UBE2K: variants seen among roughly 807,000 people sequenced by gnomAD.
The protein encoded by UBE2K is ubiquitin-conjugating enzyme E2 K.
Under a neutral mutation model 30.0 loss-of-function variants are expected in UBE2K, and 6 were observed. The ratio of observed to expected loss-of-function variants is 0.20; its 90% CI spans 0.11 to 0.39. UBE2K has a LOEUF of 0.39. Among genes scored for constraint, UBE2K ranks in the 10% least tolerant of loss-of-function variants. The pLI is 1.00. For missense variants in UBE2K, 61 were observed against 241.6 expected (o/e 0.25, Z 4.96); for synonymous variants, 86 against 83.7 (o/e 1.03, Z -0.15).
Position 39,728,818 on chromosome 4 carries a change from G to T in UBE2K, c.64-8602G>T, listed in dbSNP as rs202091861. Reference sequence around the variant, plus strand: ...CACGCCCGGCTAGTAGGTTTTTTTTGTTTTTTTTGTTTTTTTTTTTTTGTA... The same window carrying T: ...CACGCCCGGCTAGTAGGTTTTTTTTTTTTTTTTTGTTTTTTTTTTTTTGTA... On this transcript the variant is annotated intron_variant, in intron 1 of 6. Coordinates refer to ENST00000261427, the MANE Select transcript of UBE2K (RefSeq NM_005339.5). 2.9e-3 allele frequency among the ~76,000 whole-genome samples: 373 copies of T among 129,986 alleles called. 9 individuals carry two copies. In the East Asian group the frequency reaches 0.045, roughly 16 times the overall value. The allele number at this position is 129,986 out of a possible 152,430, so 85.3% of individuals were successfully genotyped here. A position where few individuals can be genotyped will look rare whatever the true frequency, so the allele number is the denominator to read the frequency against.
intron 4 of UBE2K, chr4:39,771,424 C>T (rs1049184530): frequency 1.2e-6 from 2 of 1,600,384 alleles, no homozygotes; most frequent in African/African-American, 2.7e-5. Context: ...CAGGACTTCA[C>T]CCCAGAGGCC....
chr4:39,757,003 TTTTTTTTG>T (rs1362892258), intron 4 of UBE2K, among the ~76,000 whole-genome samples: 1 of 137,608 alleles, frequency 7.3e-6, no homozygotes, highest in African/African-American at 2.7e-5. Flanking sequence ...TTTGGGTGTT[TTTTTTTTG>T]TTTTTTGTTT....
intron 3 of UBE2K, among the ~76,000 whole-genome samples, chr4:39,749,678 C>CA (rs760704951): frequency 0.027 from 3,891 of 141,630 alleles, 64 homozygotes; most frequent in Non-Finnish European, 0.034. Flanking sequence ...GACTCTGTCT[C>CA]AAAAAAAAAA....
intron 1 of UBE2K, among the ~76,000 whole-genome samples, chr4:39,712,244 C>CAGGCTGG (rs1718741232): frequency 7.2e-6 from 1 of 137,990 alleles, no homozygotes; most frequent in Non-Finnish European, 1.5e-5. Context: ...CTCTGTCACC[C>CAGGCTGG]AGGCTGGAGT....
At chr4:39,715,120 G>A (rs780278455) in intron 1 of UBE2K, among the ~76,000 whole-genome samples, 8 of 150,958 alleles carry the variant, frequency 5.3e-5, no homozygotes, top group Non-Finnish European at 7.4e-5. Flanking sequence ...CTGCCTCCTG[G>A]GTTCACGCCA....
At chr4:39,698,895 T>G (rs931789077) in intron 1 of UBE2K, among the ~76,000 whole-genome samples, 3 of 152,104 alleles carry the variant, frequency 2.0e-5, no homozygotes, top group Non-Finnish European at 4.4e-5. Flanking sequence ...AGTCCTTAGG[T>G]ATTGATTAAA....
chr4:39,771,413 G>A (rs566450515), intron 4 of UBE2K: 26 of 1,609,606 alleles, frequency 1.6e-5, no homozygotes, highest in East Asian at 1.1e-4. Context: ...AGCTGGAAGC[G>A]CAGGACTTCA....
intron 4 of UBE2K, among the ~76,000 whole-genome samples, chr4:39,772,693 T>G (rs1237467511): frequency 6.7e-6 from 1 of 149,148 alleles, no homozygotes; most frequent in African/African-American, 2.4e-5. Flanking sequence ...TAAAGCAACT[T>G]TTTTTTTTTT....
chr4:39,760,094 T>C (rs1207577482), intron 4 of UBE2K, among the ~76,000 whole-genome samples: 2 of 140,650 alleles, frequency 1.4e-5, no homozygotes, highest in Non-Finnish European at 3.0e-5. Context: ...GGAGAATCTC[T>C]TGAACCTGGG....
intron 1 of UBE2K, among the ~76,000 whole-genome samples, chr4:39,700,943 A>G (rs1717974068): frequency 6.6e-6 from 1 of 150,390 alleles, no homozygotes; most frequent in African/African-American, 2.5e-5. Context: ...GTCAAAAAGA[A>G]GGGCATGTGT....
chr4:39,768,447 CAAAAAAAAA>C, intron 4 of UBE2K, among the ~76,000 whole-genome samples: 1 of 88,144 alleles, frequency 1.1e-5, no homozygotes, highest in African/African-American at 3.7e-5. Flanking sequence ...ACTTCGTTTC[CAAAAAAAAA>C]AAAAAAAAAT....
At chr4:39,776,195 C>T (rs1391234747) in intron 5 of UBE2K, among the ~76,000 whole-genome samples, 1 of 152,204 alleles carries the variant, frequency 6.6e-6, no homozygotes, top group Non-Finnish European at 1.5e-5. Context: ...TGGTTAACCA[C>T]CCAAGTCACA....
In UBE2K at chr4:39,779,234, A is replaced by G. The variant is rs1713464214; in HGVS notation, c.*800A>G. ...TAAGTAATGTAAAAATGGAACTGCC[A>G]ATTTTATTTCTCTTGCAAAAATAGT... is the stretch of plus-strand genomic sequence containing the variant. On this transcript the variant is annotated 3_prime_UTR_variant, in exon 7 of 7. Coordinates refer to ENST00000261427, the MANE Select transcript of UBE2K (RefSeq NM_005339.5). The G allele has an allele frequency of 6.6e-6, 1 of 152,178 alleles. No homozygotes were observed. Among genetic ancestry groups the G allele is most frequent in the Non-Finnish European group, 1.5e-5 (1 of 68,036 alleles). 9.4% of individuals were successfully genotyped at this position (152,178 alleles called of 1,614,324 possible).
intron 1 of UBE2K, chr4:39,713,888 C>T: frequency 6.6e-6 from 1 of 151,760 alleles, no homozygotes; most frequent in Non-Finnish European, 1.5e-5. Context: ...TGCCCATGAG[C>T]AGCTTTTTTT....
chr4:39,717,478 C>T (rs1291769892), intron 1 of UBE2K, among the ~76,000 whole-genome samples: 1 of 152,148 alleles, frequency 6.6e-6, no homozygotes, highest in Non-Finnish European at 1.5e-5. Context: ...ATCCGCCCAC[C>T]TCAGCCTCCC....
At chr4:39,735,689 A>G (rs1206929146) in intron 1 of UBE2K, among the ~76,000 whole-genome samples, 1 of 152,148 alleles carries the variant, frequency 6.6e-6, no homozygotes, top group Non-Finnish European at 1.5e-5. Context: ...CCATCAGAGT[A>G]GTTTTACTGT....
At chr4:39,722,797 C>CT (rs1232195698) in intron 1 of UBE2K, among the ~76,000 whole-genome samples, 4 of 133,382 alleles carry the variant, frequency 3.0e-5, no homozygotes, top group Non-Finnish European at 5.0e-5. Context: ...CTCTTTTTCT[C>CT]TCTTTTTTTT....
intron 4 of UBE2K, among the ~76,000 whole-genome samples, chr4:39,771,586 C>A (rs1235645416): frequency 6.6e-6 from 1 of 152,134 alleles, no homozygotes; most frequent in African/African-American, 2.4e-5. Context: ...GTGTATAGGG[C>A]GCGCTCGCGC....
intron 3 of UBE2K, among the ~76,000 whole-genome samples, chr4:39,749,006 G>A (rs1721122342): frequency 6.6e-6 from 1 of 152,174 alleles, no homozygotes; most frequent in Non-Finnish European, 1.5e-5. Flanking sequence ...GCTGAATTGT[G>A]TGTTCACATG....
Sources: allele counts gnomAD v4.1 joint callset (sites outside exome capture counted in the v4.1 genomes callset), GRCh38; gene constraint gnomAD v4.1.1; transcripts MANE v1.5; gene names NCBI Gene and HGNC (gene_info 2026-07-23, HGNC 2026-07-21).